The following SYNE1 variants were observed in gnomAD, a reference collection of about 807,000 sequenced individuals.
SYNE1 encodes the protein spectrin repeat containing nuclear envelope protein 1, also known as nesprin-1.
Under a neutral mutation model 1,111.0 loss-of-function variants are expected in SYNE1, and 616 were observed. The ratio of observed to expected loss-of-function variants is 0.55; its 90% confidence interval spans 0.52 to 0.59. SYNE1 has a LOEUF of 0.59. Among genes scored for constraint, SYNE1 ranks in the 20% least tolerant of loss-of-function variants. SYNE1 has a pLI of 0.00. For missense variants in SYNE1, 10,006 were observed against 10,417.0 expected (o/e 0.96, Z 1.72); for synonymous variants, 3,855 against 3,825.8 (o/e 1.01, Z -0.28).
intron 117 of SYNE1, among the ~76,000 whole-genome samples, chr6:152,222,928 T>C (rs2080515012): frequency 6.6e-6 from 1 of 152,222 alleles, no homozygotes; most frequent in Non-Finnish European, 1.5e-5. Flanking sequence ...ATCTAAATAG[T>C]CTGCTACCAA....
chr6:152,208,879 T>G (rs1294771216), intron 124 of SYNE1, among the ~76,000 whole-genome samples: 1 of 152,218 alleles, frequency 6.6e-6, no homozygotes, highest in East Asian at 1.9e-4. Context: ...CATTAATATA[T>G]TTAGAAATAA....
Position 152,121,698 on chromosome 6 carries a change from A to T in SYNE1, c.*738T>A, listed in dbSNP as rs187904686. ...AAGCACAGACAAACTATTTTATAATATCTATAATAAATGCAAAGAAATCAA... is the reference window on the plus strand; with the variant it reads ...AAGCACAGACAAACTATTTTATAATTTCTATAATAAATGCAAAGAAATCAA... On this transcript the variant is annotated 3_prime_UTR_variant, in exon 146 of 146. Coordinates refer to ENST00000367255, the MANE Select transcript of SYNE1 (RefSeq NM_182961.4). 7.9e-5 allele frequency: 12 copies of T among 152,796 alleles called. No homozygotes were observed. The East Asian group carries it at 2.3e-3, about 29-fold the overall frequency. 9.5% of individuals were successfully genotyped at this position (152,796 alleles called of 1,614,324 possible).
intron 5 of SYNE1, among the ~76,000 whole-genome samples, chr6:152,524,469 T>C (rs1324135341): frequency 6.6e-6 from 1 of 152,106 alleles, no homozygotes; most frequent in Admixed American, 6.6e-5. Flanking sequence ...TTCAGGAGGA[T>C]ATATCTAAAT....
At chr6:152,468,233 G>A (rs543603814) in intron 16 of SYNE1, among the ~76,000 whole-genome samples, 2 of 152,154 alleles carry the variant, frequency 1.3e-5, no homozygotes, top group East Asian at 1.9e-4. Context: ...CAGATTATTC[G>A]AGATATTTAA....
In SYNE1 at chr6:152,274,635, T is replaced by C. The variant is rs570237239; in HGVS notation, c.18573+3454A>G. Among the ~76,000 whole-genome samples the C allele has an allele frequency of 2.0e-5, 3 of 152,306 alleles. No individual in the cohort carries two copies. In the South Asian group the frequency reaches 6.2e-4, roughly 32 times the overall value. On this transcript the variant is annotated intron_variant, in intron 98 of 145. Transcript: ENST00000367255. The stretch of plus-strand genomic sequence containing the variant: ...TTTTGAGATGGAGTTTCACTCCTGT[T>C]GCCCAGGCTGGAGTGCAATGGCGTG...
At chr6:152,149,149 A>C (rs116320874) in intron 136 of SYNE1, among the ~76,000 whole-genome samples, 1,571 of 152,330 alleles carry the variant, frequency 0.01, 22 homozygotes, top group African/African-American at 0.036. Flanking sequence ...TGCGATCAAA[A>C]GATTCTTATT....
chr6:152,157,964 G>C (rs1293288919), intron 131 of SYNE1, among the ~76,000 whole-genome samples: 1 of 152,022 alleles, frequency 6.6e-6, no homozygotes, highest in Non-Finnish European at 1.5e-5. Context: ...TCCCCATGTT[G>C]GACAGGCTGG....
chr6:152,467,111 T>G (rs1171782841), intron 16 of SYNE1, among the ~76,000 whole-genome samples: 1 of 152,136 alleles, frequency 6.6e-6, no homozygotes, highest in African/African-American at 2.4e-5. Flanking sequence ...ATCTATAACA[T>G]ATTTCATATC....
chr6:152,304,691 T>C (rs1020511405), intron 91 of SYNE1, among the ~76,000 whole-genome samples: 7 of 152,214 alleles, frequency 4.6e-5, no homozygotes, highest in African/African-American at 1.7e-4. Context: ...ATCACATGGC[T>C]GGGCACAGCT....
intron 3 of SYNE1, among the ~76,000 whole-genome samples, chr6:152,573,314 T>C (rs917234790): frequency 6.5e-5 from 9 of 139,328 alleles, no homozygotes; most frequent in South Asian, 2.4e-4. Flanking sequence ...GTATATCTCC[T>C]AATGCTATCC....
chr6:152,553,196 C>T (rs1002887341), intron 3 of SYNE1, among the ~76,000 whole-genome samples: 4 of 152,146 alleles, frequency 2.6e-5, no homozygotes, highest in Admixed American at 2.0e-4. Context: ...TGAGGTGACA[C>T]AAGACACTAA....
rs753548717 is a variant in SYNE1 at position 152,369,046 on chromosome 6, C to A, written c.9733G>T (p.Ala3245Ser). The change falls in exon 61 of 146, where the codon GCT becomes TCT. Residue 3245 changes from alanine (A) to serine (S), a missense_variant. Physicochemically the swap from Ala to Ser is moderately conservative, Grantham distance 99. This residue lies in a region of SYNE1 where 4,955 missense variants were observed against 5,017.2 expected (regional missense o/e 0.99). Transcript: ENST00000367255. The part of the protein sequence containing the change: ...EKAQQLWEGQ[A>S]ASKSFRHRVS... Reference sequence around the variant, plus strand: ...CTGTGCCTAAAGCTCTTGCTGGCAGCTTGTCCTTCCCACAGCTGCTGAGCT... The same window carrying A: ...CTGTGCCTAAAGCTCTTGCTGGCAGATTGTCCTTCCCACAGCTGCTGAGCT... The A allele has an allele frequency of 1.2e-6, 2 of 1,614,218 alleles. No individual in the cohort carries two copies. The highest frequency in any genetic ancestry group is 1.7e-6 in the Non-Finnish European group (2 of 1,180,036).
chr6:152,432,791 T>G (rs1336809056), intron 34 of SYNE1, among the ~76,000 whole-genome samples: 1 of 152,140 alleles, frequency 6.6e-6, no homozygotes, highest in Non-Finnish European at 1.5e-5. Context: ...TAAAAACAAT[T>G]TTAACAATTA....
chr6:152,396,626 C>T (rs994609249), intron 50 of SYNE1, 149 bp downstream of exon 50: 3 of 805,586 alleles, frequency 3.7e-6, no homozygotes, highest in African/African-American at 1.7e-5. Context: ...GATTATTGCC[C>T]TAGTATCACC....
At chr6:152,505,718 G>A (rs1564515892) in intron 8 of SYNE1, among the ~76,000 whole-genome samples, 1 of 152,172 alleles carries the variant, frequency 6.6e-6, no homozygotes, top group Non-Finnish European at 1.5e-5. Flanking sequence ...ATTGAAGGAT[G>A]TTTACATTTA....
intron 11 of SYNE1, among the ~76,000 whole-genome samples, chr6:152,492,767 T>C (rs1593894471): frequency 1.3e-5 from 2 of 152,234 alleles, no homozygotes; most frequent in Admixed American, 6.5e-5. Flanking sequence ...TGTAAGTCCA[T>C]ACCCTTCTTA....
intron 8 of SYNE1, among the ~76,000 whole-genome samples, chr6:152,509,248 CTTTT>C (rs11305679): frequency 1.3e-5 from 1 of 75,788 alleles, no homozygotes; most frequent in East Asian, 4.1e-4. Context: ...TTTTCTTTTT[CTTTT>C]TTTTTTTTTT....
At chr6:152,527,438 G>A (rs1039612611) in intron 4 of SYNE1, among the ~76,000 whole-genome samples, 1 of 152,104 alleles carries the variant, frequency 6.6e-6, no homozygotes, top group Non-Finnish European at 1.5e-5. Flanking sequence ...CATTCACGCT[G>A]CTTCTTACTT....
At chr6:152,219,417 T>C (rs1470504148) in intron 119 of SYNE1, among the ~76,000 whole-genome samples, 1 of 151,992 alleles carries the variant, frequency 6.6e-6, no homozygotes, top group African/African-American at 2.4e-5. Context: ...CTATATATAA[T>C]TACTCTTTTG....
Sources: allele counts gnomAD v4.1 joint callset (sites outside exome capture counted in the v4.1 genomes callset), GRCh38; gene constraint gnomAD v4.1.1; regional missense constraint gnomAD v4.1.1; transcripts MANE v1.5; gene names NCBI Gene and HGNC (gene_info 2026-07-23, HGNC 2026-07-21).